Variants in DPP6 observed in about 807,000 individuals in gnomAD.
DPP6 encodes the protein A-type potassium channel modulatory protein DPP6.
In DPP6, 69 loss-of-function variants were observed where a neutral mutation model predicts 122.6. That is an observed-to-expected ratio of 0.56 (90% confidence interval 0.46 to 0.69). DPP6 has a LOEUF of 0.69. Ranked by LOEUF, DPP6 falls within the 30% of genes least tolerant of loss-of-function variation. The pLI is 0.00. For synonymous variants in DPP6, 418 were observed against 433.1 expected (o/e 0.97, Z 0.43); for missense variants, 928 against 1,116.9 (o/e 0.83, Z 2.41).
chr7:154,552,164 A>G (rs1308758052), intron 4 of DPP6, among the ~76,000 whole-genome samples: 2 of 152,310 alleles, frequency 1.3e-5, no homozygotes, highest in South Asian at 4.1e-4. Flanking sequence ...GCTGGTGTTG[A>G]TTAGAGGCAG....
chr7:154,792,393 T>C (rs886966364), intron 10 of DPP6, among the ~76,000 whole-genome samples: 2 of 152,242 alleles, frequency 1.3e-5, no homozygotes, highest in African/African-American at 4.8e-5. Context: ...AAAATAAAAG[T>C]GTTCTATGTA....
At chr7:153,904,210 C>T (rs1799753176) in intron 1 of DPP6, among the ~76,000 whole-genome samples, 1 of 152,108 alleles carries the variant, frequency 6.6e-6, no homozygotes, top group Admixed American at 6.5e-5. Context: ...CACCACTATG[C>T]CTGGCTAATT....
chr7:154,175,971 AGCCACCAT>A (rs1797782773), intron 1 of DPP6, among the ~76,000 whole-genome samples: 1 of 152,158 alleles, frequency 6.6e-6, no homozygotes, highest in Non-Finnish European at 1.5e-5. Context: ...TACAGGCATG[AGCCACCAT>A]GCCCAGCCAG....
chr7:153,996,494 A>G (rs974789845), intron 1 of DPP6, among the ~76,000 whole-genome samples: 7 of 151,630 alleles, frequency 4.6e-5, no homozygotes, highest in South Asian at 4.2e-4. Flanking sequence ...TGTCTGTCCA[A>G]TTCCCCCAAA....
At chr7:154,631,706 A>G (rs571736683) in intron 5 of DPP6, among the ~76,000 whole-genome samples, 1 of 151,880 alleles carries the variant, frequency 6.6e-6, no homozygotes, top group Non-Finnish European at 1.5e-5. Flanking sequence ...CCAAGGGAAT[A>G]TGGCCAGAGG....
chr7:154,593,804 T>G (rs912018395), intron 5 of DPP6, among the ~76,000 whole-genome samples: 2 of 152,210 alleles, frequency 1.3e-5, no homozygotes, highest in Non-Finnish European at 2.9e-5. Context: ...CTGCTGCTGT[T>G]CAGTCAGAGA....
chr7:154,596,385 C>T (rs1833092360), intron 5 of DPP6, among the ~76,000 whole-genome samples: 1 of 152,236 alleles, frequency 6.6e-6, no homozygotes, highest in African/African-American at 2.4e-5. Context: ...CAGGAATTCA[C>T]ATTCCGCTGA....
At chr7:154,854,666 G>C (rs751213680) in intron 17 of DPP6, among the ~76,000 whole-genome samples, 5 of 152,184 alleles carry the variant, frequency 3.3e-5, no homozygotes, top group Non-Finnish European at 7.3e-5. Flanking sequence ...CTCAAGTTTG[G>C]TCAAGGAGAG....
chr7:154,177,494 G>A (rs1208679319), intron 1 of DPP6, among the ~76,000 whole-genome samples: 1 of 152,176 alleles, frequency 6.6e-6, no homozygotes, highest in African/African-American at 2.4e-5. Context: ...AAGCCAAAGA[G>A]GAGTGACCAC....
At chr7:154,588,990 GTTGGCTGCATTTGCTTAA>G (rs1832645446) in intron 5 of DPP6, among the ~76,000 whole-genome samples, 1 of 152,174 alleles carries the variant, frequency 6.6e-6, no homozygotes, top group Admixed American at 6.5e-5. Flanking sequence ...TCCTAGGTTT[GTTGGCTGCATTTGCTTAA>G]TTTTTATCTT....
At chr7:153,964,982 TCCTTCCTTCCTTCCTTTC>T (rs1795609538) in intron 1 of DPP6, among the ~76,000 whole-genome samples, 2 of 79,166 alleles carry the variant, frequency 2.5e-5, no homozygotes, top group African/African-American at 1.1e-4. Flanking sequence ...TCTTTTCCCT[TCCTTCCTTCCTTCCTTTC>T]TTCCTTCCTT....
At chr7:154,234,674 C>T (rs1053164070) in intron 1 of DPP6, among the ~76,000 whole-genome samples, 1 of 152,180 alleles carries the variant, frequency 6.6e-6, no homozygotes, top group Non-Finnish European at 1.5e-5. Flanking sequence ...ACACCCAACA[C>T]ACACATGCAC....
intron 16 of DPP6, among the ~76,000 whole-genome samples, chr7:154,816,420 CATT>C (rs1357001594): frequency 6.6e-6 from 1 of 152,008 alleles, no homozygotes; most frequent in Non-Finnish European, 1.5e-5. Flanking sequence ...ACAGAAAAAA[CATT>C]ATATATATGG....
the DPP6 span, among the ~76,000 whole-genome samples, chr7:153,871,439 A>C: frequency 6.6e-6 from 1 of 152,004 alleles, no homozygotes; most frequent in African/African-American, 2.4e-5. Flanking sequence ...TGGGCATAGG[A>C]CCCTCCGAGC....
chr7:154,212,517 C>T (rs1264917787), intron 1 of DPP6, among the ~76,000 whole-genome samples: 1 of 152,146 alleles, frequency 6.6e-6, no homozygotes, highest in Non-Finnish European at 1.5e-5. Context: ...GATTCCAGTG[C>T]TGGGGGTCCC....
At chr7:153,970,066 G>A (rs1337701916) in intron 1 of DPP6, among the ~76,000 whole-genome samples, 2 of 152,212 alleles carry the variant, frequency 1.3e-5, no homozygotes, top group African/African-American at 2.4e-5. Flanking sequence ...ATAACTCAGC[G>A]TGTTGATCCA....
chr7:153,758,197 A>G, the DPP6 span, among the ~76,000 whole-genome samples: 8 of 150,718 alleles, frequency 5.3e-5, no homozygotes, highest in Non-Finnish European at 8.9e-5. Context: ...GGTGTTTGTC[A>G]TATTTAGTGA....
chr7:154,431,294 C>T (rs1818342141), intron 1 of DPP6, among the ~76,000 whole-genome samples: 1 of 152,038 alleles, frequency 6.6e-6, no homozygotes, highest in Admixed American at 6.6e-5. Context: ...CCTAGACCCA[C>T]CCTGCTTCCC....
the DPP6 span, among the ~76,000 whole-genome samples, chr7:153,825,821 A>G: frequency 6.6e-6 from 1 of 152,120 alleles, no homozygotes; most frequent in African/African-American, 2.4e-5. Flanking sequence ...TCAACCTCCC[A>G]AAGTGCTGGG....
Sources: gnomAD v4.1 joint callset for allele counts (sites outside exome capture counted in the v4.1 genomes callset) on GRCh38, gnomAD v4.1.1 for gene constraint, MANE v1.5 for transcripts, NCBI Gene and HGNC (gene_info 2026-07-23, HGNC 2026-07-21) for gene names.